The following LAMA4 variants were observed in gnomAD, a reference collection of about 807,000 sequenced individuals.
LAMA4 encodes laminin subunit alpha 4.
Under a neutral mutation model 207.1 loss-of-function variants are expected in LAMA4, and 127 were observed. The observed-to-expected ratio is 0.61, with a 90% CI of 0.53 to 0.71. LAMA4 has a LOEUF of 0.71. LAMA4 is among the 30% of genes least tolerant of loss of function. The pLI, the probability that LAMA4 is intolerant of heterozygous loss-of-function variation, is 0.00. For missense variants in LAMA4, 2,093 were observed against 2,246.5 expected (o/e 0.93, Z 1.38); for synonymous variants, 761 against 816.0 (o/e 0.93, Z 1.15).
rs1554342351 is a variant in LAMA4, at chr6:112,172,744, A to G, written c.1418T>C (p.Val473Ala). 1.2e-6 allele frequency: 2 copies of G among 1,613,996 alleles called. No homozygotes were observed. The highest frequency in any genetic ancestry group is 2.7e-5 in the African/African-American group (2 of 74,912). ...LHNETRTLFP[V>A]VLEQLDDYNA... ...GTAGTCATCCAGCTGCTCCAGGACG[A>G]CAGGAAACAGAGTGCGGGTCTCATT... is the stretch of plus-strand genomic sequence containing the variant. The change falls in exon 12 of 39, where the codon GTC becomes GCC. Residue 473 changes from valine to alanine, a missense_variant. Transcript: ENST00000230538.
At position 112,148,181 on chromosome 6, in the gene LAMA4, C is replaced by T; in HGVS notation, c.2329G>A (p.Ala777Thr). Residue 777 changes from alanine to threonine, a missense_variant, in exon 18 of 39, where the codon GCA (alanine) becomes ACA (threonine). Ala to Thr is a moderately conservative substitution (Grantham distance 58). Around this residue, in one of 3 missense-constraint regions of LAMA4, gnomAD observed 1,704 missense variants for 1,788.4 expected, o/e 0.95. Coordinates refer to ENST00000230538, the MANE Select transcript of LAMA4 (RefSeq NM_001105206.3). ...QHFDSSAYNTAVNSARDAVRN... is the reference protein window; with the variant it reads ...QHFDSSAYNTTVNSARDAVRN... ...CCTGCATCCCTAGCAGAGTTCACTG[C>T]AGTGTTGTAAGCAGAAGAGTCAAAA... 1 of 1,614,106 alleles carries T rather than the reference C, an allele frequency of 6.2e-7. No individual in the cohort carries two copies.
intron 5 of LAMA4, 126 bp downstream of exon 5, chr6:112,201,482 T>A: frequency 1.2e-6 from 1 of 844,562 alleles, no homozygotes; most frequent in South Asian, 1.3e-5. Context: ...TGAAATGCAG[T>A]CCCTCAACCA....
At chr6:112,112,121 T>C (rs1777736310) in intron 38 of LAMA4, among the ~76,000 whole-genome samples, 1 of 152,170 alleles carries the variant, frequency 6.6e-6, no homozygotes, top group African/African-American at 2.4e-5. Flanking sequence ...AACAATATTC[T>C]GTGCTAAGTG....
chr6:112,133,889 A>T (rs1779186542), intron 26 of LAMA4, among the ~76,000 whole-genome samples: 1 of 152,252 alleles, frequency 6.6e-6, no homozygotes, highest in African/African-American at 2.4e-5. Context: ...AAGAAATGAA[A>T]CTAAGAAATA....
chr6:112,226,766 G>A (rs1554362664), intron 2 of LAMA4, among the ~76,000 whole-genome samples: 1 of 152,192 alleles, frequency 6.6e-6, no homozygotes, highest in Non-Finnish European at 1.5e-5. Context: ...ACTTTGGAGA[G>A]CAATTAGGCA....
chr6:112,138,564 T>G (rs1216455572), intron 24 of LAMA4, among the ~76,000 whole-genome samples: 2 of 152,084 alleles, frequency 1.3e-5, no homozygotes, highest in African/African-American at 4.8e-5. Context: ...TTCTGTATCA[T>G]TAATAAATAA....
intron 2 of LAMA4, among the ~76,000 whole-genome samples, chr6:112,249,836 G>C (rs1787301139): frequency 1.3e-5 from 2 of 152,152 alleles, no homozygotes; most frequent in Admixed American, 1.3e-4. Context: ...AGCCTATTTT[G>C]GTGTTTGGCA....
At chr6:112,112,434 T>C (rs1485194706) in intron 38 of LAMA4, among the ~76,000 whole-genome samples, 1 of 152,162 alleles carries the variant, frequency 6.6e-6, no homozygotes, top group Non-Finnish European at 1.5e-5. Context: ...GGAGCTTGCA[T>C]GCTATGGTGA....
intron 3 of LAMA4, among the ~76,000 whole-genome samples, chr6:112,208,526 C>T (rs2237246): frequency 0.35 from 52,517 of 152,004 alleles, 12,123 homozygotes; most frequent in African/African-American, 0.64. Context: ...CGAGGTCACA[C>T]GGATAGTAGG....
At position 112,253,962 on chromosome 6, in the gene LAMA4, C is replaced by T; in HGVS notation, c.189G>A (p.Ala63=). The T allele has an allele frequency of 6.3e-7, 1 of 1,594,086 alleles. No individual in the cohort carries two copies. Among genetic ancestry groups the T allele is most frequent in the Non-Finnish European group, 8.5e-7 (1 of 1,169,752 alleles). The stretch of plus-strand genomic sequence containing the variant: ...AATGGCAGGGACACTGTACCTCGGC[C>T]GCAGGCGGCAGGCGTCCCAGAGCCA... ...PRVALGRLPP[A]AEKCNAGFFH... is the part of the protein sequence containing the mutation. The change falls in exon 2 of 39, where the codon GCG becomes GCA. Residue 63 remains alanine (A), a synonymous_variant. Coordinates refer to ENST00000230538, the MANE Select transcript of LAMA4 (RefSeq NM_001105206.3).
At chr6:112,186,935 AT>A (rs1554346856) in intron 8 of LAMA4, 1 of 452,420 alleles carries the variant, frequency 2.2e-6, no homozygotes, top group Non-Finnish European at 4.4e-6. Flanking sequence ...GTGTGTGTGA[AT>A]GTCTGCGTTT....
intron 8 of LAMA4, chr6:112,186,680 A>G (rs1169685304): frequency 2.4e-6 from 1 of 420,682 alleles, no homozygotes; most frequent in Admixed American, 2.8e-5. Context: ...AATACCACTT[A>G]TAATACTAAC....
chr6:112,193,624 C>T (rs2237239), intron 5 of LAMA4, among the ~76,000 whole-genome samples: 4 of 151,992 alleles, frequency 2.6e-5, no homozygotes, highest in South Asian at 2.1e-4. Flanking sequence ...TTACCTGCAT[C>T]GAACCTCATA....
chr6:112,252,933 TGAA>T (rs1413583875), intron 2 of LAMA4, among the ~76,000 whole-genome samples: 2 of 152,214 alleles, frequency 1.3e-5, no homozygotes, highest in Non-Finnish European at 2.9e-5. Context: ...GGGCTTACTC[TGAA>T]GAAGGACCAT....
chr6:112,222,860 C>T (rs886542351), intron 2 of LAMA4, among the ~76,000 whole-genome samples: 4 of 152,116 alleles, frequency 2.6e-5, no homozygotes, highest in Admixed American at 6.5e-5. Context: ...CCCCTACAGC[C>T]GTACAGGTTT....
Position 112,109,403 on chromosome 6 carries a change from G to T in LAMA4, c.*34C>A. ...TTTGTGTTTCTTTCAGTGCTCTAAA[G>T]AACTTTGTATTTGGGCAGCTGTGCT... On this transcript the variant is annotated 3_prime_UTR_variant, in exon 39 of 39. Transcript: ENST00000230538. 6.2e-7 allele frequency: 1 copy of T among 1,612,748 alleles called. No individual in the cohort carries two copies. Among genetic ancestry groups the T allele is most frequent in the Non-Finnish European group, 8.5e-7 (1 of 1,179,674 alleles).
chr6:112,160,383 C>T (rs1165872120), intron 13 of LAMA4, among the ~76,000 whole-genome samples: 1 of 152,154 alleles, frequency 6.6e-6, no homozygotes, highest in Non-Finnish European at 1.5e-5. Flanking sequence ...TTCATTCTTG[C>T]TTTCTAGCTA....
At position 112,250,351 on chromosome 6, in the gene LAMA4, C is replaced by T. The variant is rs182970041; in HGVS notation, c.195+3605G>A. Among the ~76,000 whole-genome samples, 381 of 152,224 alleles carry T rather than the reference C, an allele frequency of 2.5e-3. 3 individuals are homozygous for T. The highest frequency in any genetic ancestry group is 7.8e-3 in the African/African-American group (323 of 41,520). ...AACAATGTGCTGGGACATGGGGTCA[C>T]GTATCAACAAGGAAAAAAGTCAAGA... On this transcript the variant is annotated intron_variant, in intron 2 of 38. Coordinates refer to ENST00000230538, the MANE Select transcript of LAMA4 (RefSeq NM_001105206.3).
rs1554342368 is a variant in LAMA4, at chr6:112,172,758, G to C, written c.1404C>G (p.Arg468=). 6.2e-7 allele frequency: 1 copy of C among 1,613,982 alleles called. No individual in the cohort carries two copies. The highest frequency in any genetic ancestry group is 1.3e-5 in the African/African-American group (1 of 74,912). The part of the protein sequence containing the change: ...ESWQRLHNET[R]TLFPVVLEQL... ...GCTCCAGGACGACAGGAAACAGAGT[G>C]CGGGTCTCATTGTGCAGCCGCTGCC... is the stretch of plus-strand genomic sequence containing the variant. The change falls in exon 12 of 39, where the codon CGC becomes CGG. Residue 468 remains arginine (R), a synonymous_variant. Transcript: ENST00000230538.
Sources: allele counts gnomAD v4.1 joint callset (sites outside exome capture counted in the v4.1 genomes callset), GRCh38; gene constraint gnomAD v4.1.1; regional missense constraint gnomAD v4.1.1; transcripts MANE v1.5; gene names NCBI Gene and HGNC (gene_info 2026-07-23, HGNC 2026-07-21).